Variants in TASP1 observed in about 807,000 individuals in gnomAD.
TASP1 encodes taspase 1.
Under a neutral mutation model 56.6 loss-of-function variants are expected in TASP1, and 16 were observed. That is an observed-to-expected ratio of 0.28 (90% CI 0.19 to 0.43). The LOEUF (loss-of-function observed/expected upper bound fraction) is 0.43, where lower values mean the gene tolerates loss of function less well. Among genes scored for constraint, TASP1 ranks in the 20% least tolerant of loss-of-function variants. The pLI is 1.00. For synonymous variants in TASP1, 179 were observed against 184.2 expected, an observed-to-expected ratio of 0.97 and a Z score of 0.23; for missense variants, 393 against 511.6, an observed-to-expected ratio of 0.77 and a Z score of 2.24.
intron 11 of TASP1, among the ~76,000 whole-genome samples, chr20:13,465,353 G>C (rs1949392926): frequency 6.6e-6 from 1 of 151,998 alleles, no homozygotes; most frequent in Non-Finnish European, 1.5e-5. Flanking sequence ...TAGCAAAGAT[G>C]TGGAGAAACT....
chr20:13,591,806 T>C (rs1234841821), intron 4 of TASP1, among the ~76,000 whole-genome samples: 1 of 152,150 alleles, frequency 6.6e-6, no homozygotes, highest in African/African-American at 2.4e-5. Flanking sequence ...AGCACAAAGA[T>C]TGTGAGGAAT....
the TASP1 span, chr20:13,292,379 G>A: frequency 1.3e-6 from 2 of 1,596,630 alleles, no homozygotes; most frequent in Non-Finnish European, 1.7e-6. Context: ...TTTAGGAATT[G>A]AAGACACTTT....
At chr20:13,288,727 T>G in the TASP1 span, 13 of 1,558,744 alleles carry the variant, frequency 8.3e-6, no homozygotes, top group Non-Finnish European at 1.0e-5. Flanking sequence ...AGGGGAAAGC[T>G]TTTTAATTTA....
Position 13,634,645 on chromosome 20 carries a change from G to T in TASP1, c.-75+4249C>A, listed in dbSNP as rs537191996. Among the ~76,000 whole-genome samples the T allele has an allele frequency of 3.3e-4, 50 of 151,054 alleles. No individual in the cohort carries two copies. In the South Asian group the frequency reaches 9.6e-3, roughly 29 times the overall value. On this transcript the variant is annotated intron_variant, in intron 1 of 13. Transcript: ENST00000337743. Reference sequence around the variant, plus strand: ...CTCGGGAGGTTGAGACAGGAGAATCGCTTGAACCAGGGAGGCAAAGGTTGC... The same window carrying T: ...CTCGGGAGGTTGAGACAGGAGAATCTCTTGAACCAGGGAGGCAAAGGTTGC...
intron 4 of TASP1, chr20:13,617,054 G>A (rs1458458173): frequency 8.8e-6 from 4 of 455,488 alleles, no homozygotes; most frequent in Non-Finnish European, 1.8e-5. Flanking sequence ...GATTTTCTCT[G>A]CCTCTTCACA....
At chr20:13,321,257 A>T in the TASP1 span, among the ~76,000 whole-genome samples, 1 of 147,050 alleles carries the variant, frequency 6.8e-6, no homozygotes, top group African/African-American at 2.5e-5. Flanking sequence ...CCCACATAAA[A>T]AAAAAAAAAA....
At chr20:13,302,800 A>G in the TASP1 span, among the ~76,000 whole-genome samples, 2 of 152,176 alleles carry the variant, frequency 1.3e-5, no homozygotes, top group Non-Finnish European at 2.9e-5. Context: ...CAACAGTGGT[A>G]AACAGAGATG....
chr20:13,232,018 T>G, the TASP1 span, among the ~76,000 whole-genome samples: 1 of 152,174 alleles, frequency 6.6e-6, no homozygotes, highest in Non-Finnish European at 1.5e-5. Context: ...GTTAACTTCC[T>G]CCCATAAGCA....
At chr20:13,492,165 C>T (rs1015909043) in intron 10 of TASP1, among the ~76,000 whole-genome samples, 3 of 152,176 alleles carry the variant, frequency 2.0e-5, no homozygotes, top group African/African-American at 4.8e-5. Flanking sequence ...GCACACCACA[C>T]GTCTCCAAGG....
At chr20:13,434,173 A>AG (rs970039338) in intron 12 of TASP1, among the ~76,000 whole-genome samples, 1 of 152,044 alleles carries the variant, frequency 6.6e-6, no homozygotes, top group African/African-American at 2.4e-5. Context: ...TGCTGGTTAT[A>AG]GGGGGTGGGT....
At chr20:13,572,148 A>T (rs2046737902) in intron 6 of TASP1, among the ~76,000 whole-genome samples, 1 of 152,202 alleles carries the variant, frequency 6.6e-6, no homozygotes, top group African/African-American at 2.4e-5. Flanking sequence ...GAGCTTCATA[A>T]GGGTGGAGAT....
At chr20:13,500,247 G>A (rs1431105252) in intron 10 of TASP1, among the ~76,000 whole-genome samples, 1 of 139,486 alleles carries the variant, frequency 7.2e-6, no homozygotes, top group African/African-American at 2.7e-5. Flanking sequence ...ATGTGTGTGT[G>A]TGTCTGTGTA....
the TASP1 span, among the ~76,000 whole-genome samples, chr20:13,189,618 C>T: frequency 6.6e-6 from 1 of 152,134 alleles, no homozygotes; most frequent in South Asian, 2.1e-4. Context: ...CATTTCATAC[C>T]AATCAGAATG....
chr20:13,356,350 A>C, the TASP1 span, among the ~76,000 whole-genome samples: 2 of 152,214 alleles, frequency 1.3e-5, no homozygotes, highest in Non-Finnish European at 2.9e-5. Flanking sequence ...TCAGCATGGC[A>C]ATGTCAGGGA....
chr20:13,269,356 A>G, the TASP1 span, among the ~76,000 whole-genome samples: 14 of 152,236 alleles, frequency 9.2e-5, no homozygotes, highest in Non-Finnish European at 1.0e-4. Context: ...ATTTCCCCAT[A>G]GTGATAAAGA....
rs577793360 is a variant in TASP1, at chr20:13,538,106, G to A, written c.676-3965C>T. On this transcript the variant is annotated intron_variant, in intron 8 of 13. Transcript: ENST00000337743. ...CAACCTCCACCTCCCAGGTTTGAGC[G>A]ATTCTCCTGCCTCAGCTTCCCGAGT... 1.2e-4 allele frequency among the ~76,000 whole-genome samples: 18 copies of A among 151,642 alleles called. No homozygotes were observed. In the South Asian group the frequency reaches 3.3e-3, roughly 28 times the overall value.
At chr20:13,354,313 G>T in the TASP1 span, among the ~76,000 whole-genome samples, 1 of 152,138 alleles carries the variant, frequency 6.6e-6, no homozygotes, top group Non-Finnish European at 1.5e-5. Flanking sequence ...AAAATTCCAT[G>T]TTGAAGAACA....
At chr20:13,528,241 A>G (rs981283442) in intron 10 of TASP1, among the ~76,000 whole-genome samples, 192 bp downstream of exon 10, 4 of 151,212 alleles carry the variant, frequency 2.6e-5, no homozygotes, top group East Asian at 3.9e-4. Flanking sequence ...AAAAAAAAAA[A>G]AAAGAAAATG....
At chr20:13,406,946 A>T (rs574341797) in intron 13 of TASP1, among the ~76,000 whole-genome samples, 1 of 152,264 alleles carries the variant, frequency 6.6e-6, no homozygotes, top group African/African-American at 2.4e-5. Context: ...GATTACAGGC[A>T]TTAGCCACCG....
Sources: allele counts gnomAD v4.1 joint callset (sites outside exome capture counted in the v4.1 genomes callset), GRCh38; gene constraint gnomAD v4.1.1; transcripts MANE v1.5; gene names NCBI Gene and HGNC (gene_info 2026-07-23, HGNC 2026-07-21).